SPATA16: variants seen among roughly 807,000 people sequenced by gnomAD.
SPATA16 encodes spermatogenesis-associated protein 16.
A neutral mutation model predicts 63.3 loss-of-function variants in SPATA16; 36 were observed. The ratio of observed to expected loss-of-function variants is 0.57; its 90% CI spans 0.44 to 0.75. SPATA16 has a LOEUF of 0.75. Among genes scored for constraint, SPATA16 ranks in the 30% least tolerant of loss-of-function variants. The pLI is 0.00. For missense variants in SPATA16, 646 were observed against 679.3 expected (o/e 0.95, Z 0.54); for synonymous variants, 203 against 216.7 (o/e 0.94, Z 0.56).
chr3:173,040,379 A>G (rs1040925458), intron 3 of SPATA16, among the ~76,000 whole-genome samples: 8 of 152,154 alleles, frequency 5.3e-5, no homozygotes, highest in African/African-American at 1.9e-4. Flanking sequence ...TATGACAATC[A>G]CAAAGAAAAG....
At chr3:172,956,853 A>T in intron 5 of SPATA16, 29 bp from the exon 6 acceptor site, 1 of 1,612,644 alleles carries the variant, frequency 6.2e-7, no homozygotes, top group Middle Eastern at 1.7e-4. Context: ...CCCATTTGGC[A>T]TCAATAACAA....
chr3:172,903,737 C>G (rs1032023439), intron 10 of SPATA16, among the ~76,000 whole-genome samples: 2 of 152,066 alleles, frequency 1.3e-5, no homozygotes, highest in Non-Finnish European at 2.9e-5. Flanking sequence ...GATATGTCTA[C>G]AAAGGGAAGG....
At chr3:172,975,125 A>G (rs996019945) in intron 5 of SPATA16, among the ~76,000 whole-genome samples, 19 of 152,302 alleles carry the variant, frequency 1.2e-4, no homozygotes, top group Admixed American at 2.6e-4. Flanking sequence ...GCTAAAGGAA[A>G]CAGAAAAATT....
intron 2 of SPATA16, among the ~76,000 whole-genome samples, chr3:173,062,044 A>ATTTTTTTTTTTTTTTTTTTTT (rs10618031): frequency 2.6e-5 from 3 of 115,538 alleles, no homozygotes; most frequent in African/African-American, 3.5e-5. Context: ...GTGCTTCAAC[A>ATTTTTTTTTTTTTTTTTTTTT]TTTTTTTTTT....
At chr3:172,941,916 G>A (rs1174562266) in intron 6 of SPATA16, among the ~76,000 whole-genome samples, 2 of 151,938 alleles carry the variant, frequency 1.3e-5, no homozygotes, top group African/African-American at 4.8e-5. Flanking sequence ...ATCTTGCTCA[G>A]TTGATAATCA....
At chr3:173,079,541 A>G (rs1276611025) in intron 2 of SPATA16, among the ~76,000 whole-genome samples, 1 of 152,118 alleles carries the variant, frequency 6.6e-6, no homozygotes, top group African/African-American at 2.4e-5. Flanking sequence ...TATCTTTTTC[A>G]TGTGAATTTA....
intron 2 of SPATA16, among the ~76,000 whole-genome samples, chr3:173,049,798 A>T (rs1736041425): frequency 6.6e-6 from 1 of 151,924 alleles, no homozygotes; most frequent in African/African-American, 2.4e-5. Context: ...AAAATAATTA[A>T]TTTTTTTTGG....
chr3:173,030,368 C>T (rs990756314), intron 3 of SPATA16, among the ~76,000 whole-genome samples: 21 of 151,900 alleles, frequency 1.4e-4, no homozygotes, highest in Admixed American at 5.9e-4. Context: ...TAAGAAACTT[C>T]TTTGAGTTAA....
chr3:173,122,863 T>A (rs1738117607), intron 1 of SPATA16, among the ~76,000 whole-genome samples: 1 of 152,208 alleles, frequency 6.6e-6, no homozygotes, highest in East Asian at 1.9e-4. Flanking sequence ...GATGTGTAGT[T>A]TCTTCAGAGC....
intron 10 of SPATA16, among the ~76,000 whole-genome samples, chr3:172,890,712 G>A (rs1731877133): frequency 6.7e-6 from 1 of 148,976 alleles, no homozygotes; most frequent in African/African-American, 2.5e-5. Context: ...GTTATGCTTA[G>A]GTCTCATATC....
At position 173,025,923 on chromosome 3, in the gene SPATA16, A is replaced by C. The variant is rs1437678949; in HGVS notation, c.759-6348T>G. On this transcript the variant is annotated intron_variant, in intron 3 of 10. Transcript: ENST00000351008. ...CTTTTGATATAAGCTTTCATTTCTT[A>C]TGGTAAAATACAGGGGAGTGAGAAT... Among the ~76,000 whole-genome samples the C allele has an allele frequency of 3.3e-5, 5 of 152,088 alleles. No homozygotes were observed. The East Asian group carries it at 7.7e-4, about 23-fold the overall frequency.
chr3:173,124,284 A>G (rs1413934546), intron 1 of SPATA16, among the ~76,000 whole-genome samples: 1 of 152,234 alleles, frequency 6.6e-6, no homozygotes, highest in Non-Finnish European at 1.5e-5. Flanking sequence ...GACAAATAAT[A>G]CAACCTCCCT....
At chr3:173,120,507 C>T (rs1180864108) in intron 1 of SPATA16, among the ~76,000 whole-genome samples, 2 of 152,078 alleles carry the variant, frequency 1.3e-5, no homozygotes, top group African/African-American at 2.4e-5. Context: ...CTTATTGATA[C>T]TCTCTCTACT....
intron 2 of SPATA16, among the ~76,000 whole-genome samples, chr3:173,078,727 A>G (rs1427610041): frequency 3.9e-5 from 6 of 152,204 alleles, no homozygotes; most frequent in Non-Finnish European, 7.4e-5. Context: ...ATATCAGAAC[A>G]AGCCAGATGA....
intron 6 of SPATA16, among the ~76,000 whole-genome samples, chr3:172,938,218 C>T (rs9876215): frequency 0.029 from 4,468 of 152,170 alleles, 223 homozygotes; most frequent in African/African-American, 0.1. Flanking sequence ...GCTATAAAAA[C>T]ATTAGATTAT....
intron 4 of SPATA16, among the ~76,000 whole-genome samples, chr3:172,997,886 T>A (rs1361866344): frequency 2.6e-5 from 4 of 152,136 alleles, no homozygotes; most frequent in African/African-American, 9.7e-5. Context: ...TTTGGCTCTT[T>A]CGGATTAAAG....
At chr3:172,930,699 C>A (rs549927567) in intron 6 of SPATA16, among the ~76,000 whole-genome samples, 1 of 151,846 alleles carries the variant, frequency 6.6e-6, no homozygotes, top group Non-Finnish European at 1.5e-5. Context: ...GCTGGGACTA[C>A]AGTTGCCTGC....
At chr3:173,047,525 T>C (rs1446699783) in intron 3 of SPATA16, among the ~76,000 whole-genome samples, 1 of 151,992 alleles carries the variant, frequency 6.6e-6, no homozygotes, top group Non-Finnish European at 1.5e-5. Context: ...CTTTCAAATG[T>C]TTGTTTCTAT....
intron 3 of SPATA16, among the ~76,000 whole-genome samples, chr3:173,034,007 G>A (rs1735662035): frequency 6.6e-6 from 1 of 152,056 alleles, no homozygotes; most frequent in South Asian, 2.1e-4. Context: ...GCCTGGCTGA[G>A]ATGTATTTTA....
Sources: allele counts gnomAD v4.1 joint callset (sites outside exome capture counted in the v4.1 genomes callset), GRCh38; gene constraint gnomAD v4.1.1; transcripts MANE v1.5; gene names NCBI Gene and HGNC (gene_info 2026-07-23, HGNC 2026-07-21).